The following NREP variants were observed in gnomAD, a reference collection of about 807,000 sequenced individuals.
NREP encodes neuronal regeneration-related protein.
In NREP, 5 loss-of-function variants were observed where a neutral mutation model predicts 8.6. The ratio of observed to expected loss-of-function variants is 0.58; its 90% CI spans 0.30 to 1.22. The LOEUF (loss-of-function observed/expected upper bound fraction) is 1.22, where lower values mean the gene tolerates loss of function less well. Ranked by LOEUF, NREP falls within the 50% of genes most tolerant of loss-of-function variation. NREP has a pLI of 0.07. For missense variants in NREP, 86 were observed against 82.5 expected, an observed-to-expected ratio of 1.04 and a Z score of -0.17; for synonymous variants, 27 against 28.0, an observed-to-expected ratio of 0.96 and a Z score of 0.11.
At chr5:111,871,527 T>C (rs1241103693) in intron 2 of NREP, among the ~76,000 whole-genome samples, 4 of 152,140 alleles carry the variant, frequency 2.6e-5, no homozygotes, top group Non-Finnish European at 5.9e-5. Context: ...ATTTCTCTAA[T>C]AATACATTAA....
At chr5:111,875,959 G>T (rs1753897574) in intron 2 of NREP, among the ~76,000 whole-genome samples, 1 of 152,204 alleles carries the variant, frequency 6.6e-6, no homozygotes, top group Non-Finnish European at 1.5e-5. Flanking sequence ...ACATGAGCTG[G>T]TGGGGAGGCG....
At chr5:111,748,375 C>A (rs1750139585) in intron 2 of NREP, among the ~76,000 whole-genome samples, 1 of 152,168 alleles carries the variant, frequency 6.6e-6, no homozygotes. Flanking sequence ...GCTATCACAG[C>A]AGTGCAGTGT....
intron 2 of NREP, among the ~76,000 whole-genome samples, chr5:111,828,153 C>A (rs1264930498): frequency 6.6e-6 from 1 of 151,868 alleles, no homozygotes; most frequent in Non-Finnish European, 1.5e-5. Flanking sequence ...GCCTCAGCCT[C>A]CTGAGTAGCT....
At position 111,825,696 on chromosome 5, in the gene NREP, T is replaced by C. The variant is rs141133226; in HGVS notation, c.136-90189A>G. ...TCATGAACTACTCTAATAAAACCAC[T>C]GCAACTGCAGCCCAAAACTTAGCCC... is the stretch of plus-strand genomic sequence containing the variant. On this transcript the variant is annotated intron_variant, in intron 2 of 3. Transcript: ENST00000395634. Among the ~76,000 whole-genome samples, 31 of 152,294 alleles carry C rather than the reference T, an allele frequency of 2.0e-4. No homozygotes were observed. The East Asian group carries it at 3.5e-3, about 17-fold the overall frequency.
At chr5:111,823,545 A>G (rs1202648969) in intron 2 of NREP, among the ~76,000 whole-genome samples, 1 of 152,228 alleles carries the variant, frequency 6.6e-6, no homozygotes, top group Non-Finnish European at 1.5e-5. Context: ...GAGTTCAATA[A>G]AAACATTACA....
At chr5:111,860,941 C>G (rs1384112070) in intron 2 of NREP, among the ~76,000 whole-genome samples, 1 of 152,132 alleles carries the variant, frequency 6.6e-6, no homozygotes, top group Non-Finnish European at 1.5e-5. Flanking sequence ...AGATGGTGTT[C>G]TGAGAACACA....
intron 2 of NREP, among the ~76,000 whole-genome samples, chr5:111,910,206 C>T (rs1754874373): frequency 6.6e-6 from 1 of 151,990 alleles, no homozygotes. Flanking sequence ...TGCCCATATA[C>T]CTCCCTGAAT....
At chr5:111,934,323 T>C (rs1311095319) in intron 2 of NREP, among the ~76,000 whole-genome samples, 1 of 151,996 alleles carries the variant, frequency 6.6e-6, no homozygotes, top group Non-Finnish European at 1.5e-5. Flanking sequence ...AGTAAGCATA[T>C]AGTTGGATAG....
chr5:111,926,204 C>T (rs762536732), intron 2 of NREP, among the ~76,000 whole-genome samples: 11 of 152,176 alleles, frequency 7.2e-5, no homozygotes, highest in Non-Finnish European at 1.2e-4. Flanking sequence ...GGGGTAAAAG[C>T]GAAACTGGGG....
At chr5:111,776,136 G>T (rs1424357874) in intron 2 of NREP, among the ~76,000 whole-genome samples, 6 of 152,082 alleles carry the variant, frequency 3.9e-5, no homozygotes, top group African/African-American at 7.2e-5. Context: ...GAGCAATTTG[G>T]TCATATAGAC....
intron 2 of NREP, among the ~76,000 whole-genome samples, chr5:111,919,720 CAG>C (rs1464987475): frequency 1.3e-5 from 2 of 151,858 alleles, no homozygotes; most frequent in African/African-American, 2.4e-5. Flanking sequence ...CGGGGCCTGT[CAG>C]GGGTTGAGGG....
intron 2 of NREP, among the ~76,000 whole-genome samples, chr5:111,748,733 T>A (rs1750168492): frequency 6.6e-6 from 1 of 152,098 alleles, no homozygotes; most frequent in Non-Finnish European, 1.5e-5. Flanking sequence ...ACATCTGAAT[T>A]CACCATCCCA....
chr5:111,833,540 G>A (rs7708380), intron 2 of NREP, among the ~76,000 whole-genome samples: 4 of 152,102 alleles, frequency 2.6e-5, no homozygotes, highest in African/African-American at 9.7e-5. Flanking sequence ...AAAACCACTT[G>A]ATTTTCTACA....
intron 2 of NREP, among the ~76,000 whole-genome samples, chr5:111,775,543 C>T (rs543689067): frequency 8.5e-5 from 13 of 152,202 alleles, no homozygotes; most frequent in African/African-American, 2.4e-4. Context: ...TTTATACATG[C>T]GGTCTTCCTT....
chr5:111,755,654 G>A (rs1750653047), intron 2 of NREP, 116 bp downstream of exon 2: 7 of 1,160,946 alleles, frequency 6.0e-6, no homozygotes, highest in African/African-American at 1.5e-5. Flanking sequence ...CCTTTTAAAG[G>A]TCAGATGGGG....
intron 2 of NREP, among the ~76,000 whole-genome samples, chr5:111,968,573 T>C (rs553822061): frequency 6.6e-6 from 1 of 152,316 alleles, no homozygotes; most frequent in East Asian, 1.9e-4. Context: ...GGAAGTCATG[T>C]TGCCAATCTG....
At chr5:111,951,630 G>C (rs1007098637) in intron 2 of NREP, among the ~76,000 whole-genome samples, 1 of 151,986 alleles carries the variant, frequency 6.6e-6, no homozygotes, top group Non-Finnish European at 1.5e-5. Flanking sequence ...TGGGTTGAAG[G>C]CTCTATGAGT....
At chr5:111,767,640 CA>C (rs1023538663) in intron 2 of NREP, among the ~76,000 whole-genome samples, 2 of 151,892 alleles carry the variant, frequency 1.3e-5, no homozygotes, top group African/African-American at 4.8e-5. Context: ...TGTGTTTTTC[CA>C]AAAAAATTAT....
chr5:111,913,524 C>A (rs1754970942), intron 2 of NREP, among the ~76,000 whole-genome samples: 1 of 151,996 alleles, frequency 6.6e-6, no homozygotes, highest in Non-Finnish European at 1.5e-5. Flanking sequence ...CCCAGATTAA[C>A]AGGGATGTGA....
Sources: gnomAD v4.1 joint callset for allele counts (sites outside exome capture counted in the v4.1 genomes callset) on GRCh38, gnomAD v4.1.1 for gene constraint, MANE v1.5 for transcripts, NCBI Gene and HGNC (gene_info 2026-07-23, HGNC 2026-07-21) for gene names.